CACNA1D: variants seen among roughly 807,000 people sequenced by gnomAD.
CACNA1D encodes voltage-dependent L-type calcium channel subunit alpha-1D.
Under a neutral mutation model 257.1 loss-of-function variants are expected in CACNA1D, and 55 were observed. The ratio of observed to expected loss-of-function variants is 0.21; its 90% CI spans 0.17 to 0.27. The LOEUF (loss-of-function observed/expected upper bound fraction) is 0.27. Ranked by LOEUF, CACNA1D falls within the 10% of genes least tolerant of loss-of-function variation. CACNA1D has a pLI of 1.00. For synonymous variants in CACNA1D, 980 were observed against 1,014.9 expected (o/e 0.97, Z 0.65); for missense variants, 1,876 against 2,784.0 (o/e 0.67, Z 7.34).
chr3:53,611,023 T>C (rs1425823217), intron 3 of CACNA1D, among the ~76,000 whole-genome samples: 2 of 152,234 alleles, frequency 1.3e-5, no homozygotes, highest in African/African-American at 2.4e-5. Flanking sequence ...AATTTTGGAT[T>C]GACAGTTTTT....
intron 7 of CACNA1D, among the ~76,000 whole-genome samples, chr3:53,667,807 T>C (rs911781864): frequency 9.2e-5 from 14 of 151,754 alleles, no homozygotes; most frequent in African/African-American, 3.4e-4. Context: ...TTTCTGATTG[T>C]CATAGGAGTG....
At chr3:53,567,800 C>T (rs939426834) in intron 3 of CACNA1D, among the ~76,000 whole-genome samples, 4 of 152,200 alleles carry the variant, frequency 2.6e-5, no homozygotes, top group African/African-American at 4.8e-5. Flanking sequence ...ACTGCCTGGG[C>T]TGTATACACT....
intron 46 of CACNA1D, chr3:53,809,029 C>A: frequency 7.9e-6 from 4 of 506,588 alleles, no homozygotes; most frequent in Non-Finnish European, 1.4e-5. Context: ...CCAGGTGCCT[C>A]CCTGCGATCC....
At chr3:53,542,075 T>G (rs970488641) in intron 3 of CACNA1D, among the ~76,000 whole-genome samples, 3 of 152,186 alleles carry the variant, frequency 2.0e-5, no homozygotes, top group African/African-American at 7.2e-5. Flanking sequence ...AGATTGACCA[T>G]GGTGCTGGTT....
chr3:53,512,939 A>G (rs1345075400), intron 3 of CACNA1D, among the ~76,000 whole-genome samples: 1 of 152,170 alleles, frequency 6.6e-6, no homozygotes, highest in East Asian at 1.9e-4. Flanking sequence ...ATACATACCA[A>G]CCTGTAGAAA....
At chr3:53,614,069 G>C (rs1372872443) in intron 3 of CACNA1D, among the ~76,000 whole-genome samples, 1 of 145,076 alleles carries the variant, frequency 6.9e-6, no homozygotes, top group Non-Finnish European at 1.5e-5. Flanking sequence ...AGGTGGGAGG[G>C]TCACTTGAGC....
In CACNA1D at chr3:53,650,876, G is replaced by C; in HGVS notation, c.581G>C (p.Arg194Thr). Reference sequence around the variant, plus strand: ...TTGCTACATCCTAATGCTTATGTTAGGAATGGATGGAATTTACTGGATTTT... The same window carrying C: ...TTGCTACATCCTAATGCTTATGTTACGAATGGATGGAATTTACTGGATTTT... Reference protein sequence around the residue: ...GLLLHPNAYVRNGWNLLDFVI... With the variant: ...GLLLHPNAYVTNGWNLLDFVI... Residue 194 changes from arginine to threonine, a missense_variant, in exon 4 of 48, where the codon AGG becomes ACG. By Grantham distance (71) the Arg-to-Thr change is moderately conservative (BLOSUM62 -1). Coordinates refer to ENST00000350061, the MANE Select transcript of CACNA1D (RefSeq NM_001128840.3). The C allele has an allele frequency of 6.2e-7, 1 of 1,611,628 alleles. No individual in the cohort carries two copies. The highest frequency in any genetic ancestry group is 8.5e-7 in the Non-Finnish European group (1 of 1,177,758).
In CACNA1D at chr3:53,786,910, G is replaced by C; in HGVS notation, c.4881G>C (p.Leu1627=). Reference sequence around the variant, plus strand: ...TCAAGAAACGGAAAGAACAAGGACTGGTGGGAAAGTACCCTGCGAAGAACA... The same window carrying C: ...TCAAGAAACGGAAAGAACAAGGACTCGTGGGAAAGTACCCTGCGAAGAACA... ...RKFKKRKEQG[L]VGKYPAKNTT... is the part of the protein sequence containing the mutation. Residue 1627 remains leucine (L), a synonymous_variant, in exon 40 of 48, where the codon CTG becomes CTC. Coordinates refer to ENST00000350061, the MANE Select transcript of CACNA1D (RefSeq NM_001128840.3). 2 of 1,614,030 alleles carry C rather than the reference G, an allele frequency of 1.2e-6. No homozygotes were observed. Among genetic ancestry groups the C allele is most frequent in the Non-Finnish European group, 1.7e-6 (2 of 1,179,894 alleles).
Position 53,775,971 on chromosome 3 carries a change from G to A in CACNA1D, c.4288G>A (p.Gly1430Arg), listed in dbSNP as rs750386159. Reference protein sequence around the residue: ...LCDPESDYNPGEEYTCGSNFA... With the variant: ...LCDPESDYNPREEYTCGSNFA... Reference sequence around the variant, plus strand: ...TGACCCTGAGTCAGATTACAACCCCGGGGAGGAGTATACATGTGGGAGCAA... The same window carrying A: ...TGACCCTGAGTCAGATTACAACCCCAGGGAGGAGTATACATGTGGGAGCAA... The change falls in exon 35 of 48, where the codon GGG (glycine) becomes AGG (arginine). Residue 1430 changes from glycine to arginine, a missense_variant. Physicochemically the swap from Gly to Arg is moderately radical, Grantham distance 125 (BLOSUM62 -2). Coordinates refer to ENST00000350061, the MANE Select transcript of CACNA1D (RefSeq NM_001128840.3). The A allele has an allele frequency of 2.9e-5, 46 of 1,613,786 alleles. No individual in the cohort carries two copies. The highest frequency in any genetic ancestry group is 6.7e-5 in the Admixed American group (4 of 59,998).
intron 3 of CACNA1D, among the ~76,000 whole-genome samples, chr3:53,582,153 A>G (rs1203398099): frequency 6.6e-6 from 1 of 151,938 alleles, no homozygotes; most frequent in African/African-American, 2.4e-5. Flanking sequence ...CATCGTGAAA[A>G]GAAGTCCTTC....
At chr3:53,511,355 G>A (rs945102478) in intron 3 of CACNA1D, among the ~76,000 whole-genome samples, 1 of 152,064 alleles carries the variant, frequency 6.6e-6, no homozygotes, top group Non-Finnish European at 1.5e-5. Context: ...CAGCAGCGGC[G>A]GCGAAAAAGA....
At chr3:53,598,951 T>C (rs2093406773) in intron 3 of CACNA1D, among the ~76,000 whole-genome samples, 1 of 152,098 alleles carries the variant, frequency 6.6e-6, no homozygotes, top group East Asian at 1.9e-4. Flanking sequence ...ATGAGCAAAT[T>C]AACCAGTCAA....
chr3:53,698,876 G>A (rs2094596367), intron 8 of CACNA1D, among the ~76,000 whole-genome samples: 1 of 148,190 alleles, frequency 6.7e-6, no homozygotes, highest in Admixed American at 6.8e-5. Context: ...CCAAAATTCT[G>A]GTTTGGAACA....
At chr3:53,798,306 T>TGC (rs4026493) in intron 40 of CACNA1D, among the ~76,000 whole-genome samples, 22,094 of 125,672 alleles carry the variant, frequency 0.18, 2,472 homozygotes, top group East Asian at 0.59. Flanking sequence ...TGTGTATGTG[T>TGC]GCGTGTGTGT....
chr3:53,769,901 G>T, intron 30 of CACNA1D, 72 bp from the exon 31 acceptor site: 1 of 1,173,144 alleles, frequency 8.5e-7, no homozygotes, highest in South Asian at 1.2e-5. Flanking sequence ...TTTTTAAAGG[G>T]GGAAATGCTC....
intron 10 of CACNA1D, chr3:53,718,629 T>C (rs1400894147): frequency 8.6e-7 from 1 of 1,159,006 alleles, no homozygotes; most frequent in Non-Finnish European, 1.2e-6. Context: ...TTCCTGTAAG[T>C]AGAGCCCGTG....
Position 53,663,373 on chromosome 3 carries a change from G to C in CACNA1D, c.767-2287G>C, listed in dbSNP as rs559116629. ...AACAGGGAAGGACAGGGAAGGAGAAGGTAAGAAGGAAAAGAGTGAGCAGCA... is the reference window on the plus strand; with the variant it reads ...AACAGGGAAGGACAGGGAAGGAGAACGTAAGAAGGAAAAGAGTGAGCAGCA... On this transcript the variant is annotated intron_variant, in intron 5 of 47. Transcript: ENST00000350061. 3.3e-5 allele frequency among the ~76,000 whole-genome samples: 5 copies of C among 152,288 alleles called. No homozygotes were observed. The South Asian group carries it at 1.0e-3, about 32-fold the overall frequency.
chr3:53,786,763 T>G (rs999594568), intron 39 of CACNA1D, 59 bp from the exon 40 acceptor site: 20 of 1,239,254 alleles, frequency 1.6e-5, no homozygotes, highest in Middle Eastern at 2.2e-4. Flanking sequence ...GAAGCAAGTG[T>G]TTAGGCTCTT....
intron 8 of CACNA1D, among the ~76,000 whole-genome samples, chr3:53,692,072 T>G (rs893825476): frequency 1.3e-5 from 2 of 149,676 alleles, no homozygotes; most frequent in Admixed American, 6.9e-5. Flanking sequence ...GTTGCATGTC[T>G]TTGATCCTCA....
Sources: gnomAD v4.1 joint callset for allele counts (sites outside exome capture counted in the v4.1 genomes callset) on GRCh38, gnomAD v4.1.1 for gene constraint, MANE v1.5 for transcripts, NCBI Gene and HGNC (gene_info 2026-07-23, HGNC 2026-07-21) for gene names.